The following RESF1 variants were observed in gnomAD, a reference collection of about 807,000 sequenced individuals.
The protein encoded by RESF1 is retroelement silencing factor 1.
A neutral mutation model predicts 134.7 loss-of-function variants in RESF1; 65 were observed. That is an observed-to-expected ratio of 0.48 (90% CI 0.40 to 0.59). RESF1 has a LOEUF of 0.59. Among genes scored for constraint, RESF1 ranks in the 20% least tolerant of loss-of-function variants. The pLI is 0.00. For synonymous variants in RESF1, 762 were observed against 702.2 expected (o/e 1.09, Z -1.35); for missense variants, 2,274 against 2,002.7 (o/e 1.14, Z -2.59).
chr12:31,970,778 A>C (rs761471022), intron 3 of RESF1, among the ~76,000 whole-genome samples: 1 of 152,232 alleles, frequency 6.6e-6, no homozygotes, highest in African/African-American at 2.4e-5. Flanking sequence ...ATTTTAGCCT[A>C]TATGTTGCAA....
At position 31,982,054 on chromosome 12, in the gene RESF1, A is replaced by C; in HGVS notation, c.1099A>C (p.Thr367Pro). 6.2e-7 allele frequency: 1 copy of C among 1,614,160 alleles called. No individual in the cohort carries two copies. The highest frequency in any genetic ancestry group is 8.5e-7 in the Non-Finnish European group (1 of 1,180,034). ...SVDGVQTLAQTNEEKIMDSCN... is the reference protein window; with the variant it reads ...SVDGVQTLAQPNEEKIMDSCN... Reference sequence around the variant, plus strand: ...GGATGGTGTTCAGACTCTTGCTCAAACTAATGAAGAGAAAATAATGGATTC... The same window carrying C: ...GGATGGTGTTCAGACTCTTGCTCAACCTAATGAAGAGAAAATAATGGATTC... The change falls in exon 4 of 6, where the codon ACT (threonine) becomes CCT (proline). Residue 367 changes from threonine to proline, a missense_variant. Coordinates refer to ENST00000312561, the MANE Select transcript of RESF1 (RefSeq NM_018169.4).
intron 2 of RESF1, among the ~76,000 whole-genome samples, chr12:31,964,508 C>G (rs1939354814): frequency 6.6e-6 from 1 of 152,204 alleles, no homozygotes; most frequent in Admixed American, 6.5e-5. Flanking sequence ...TGTATGTGTA[C>G]TGTTTTCTTT....
chr12:31,978,214 TA>T (rs1053339258), intron 3 of RESF1, among the ~76,000 whole-genome samples: 13 of 152,292 alleles, frequency 8.5e-5, no homozygotes, highest in African/African-American at 2.6e-4. Flanking sequence ...ATTTTCTAAG[TA>T]TTTTTTTAAT....
At chr12:31,980,445 C>G (rs1939754021) in intron 3 of RESF1, among the ~76,000 whole-genome samples, 1 of 152,160 alleles carries the variant, frequency 6.6e-6, no homozygotes, top group Non-Finnish European at 1.5e-5. Flanking sequence ...ATTAAGGTAA[C>G]CTTGAATAGC....
intron 2 of RESF1, among the ~76,000 whole-genome samples, chr12:31,961,148 C>T (rs898416758): frequency 5.3e-5 from 8 of 152,132 alleles, no homozygotes; most frequent in Non-Finnish European, 1.2e-4. Context: ...CAGAGGTCTG[C>T]TTCTGTCTGT....
chr12:31,964,266 G>GTT (rs34357090), intron 2 of RESF1, among the ~76,000 whole-genome samples: 35 of 150,582 alleles, frequency 2.3e-4, no homozygotes, highest in African/African-American at 5.1e-4. Context: ...CCAATTAGTT[G>GTT]TTTTTTTTTC....
chr12:31,989,933 GACAAATA>G (rs1222161059), intron 5 of RESF1, among the ~76,000 whole-genome samples: 1 of 152,074 alleles, frequency 6.6e-6, no homozygotes, highest in Non-Finnish European at 1.5e-5. Context: ...ATCAGAACAG[GACAAATA>G]ACCTAAAGAG....
intron 3 of RESF1, among the ~76,000 whole-genome samples, chr12:31,972,461 C>T (rs1939531343): frequency 6.6e-6 from 1 of 151,778 alleles, no homozygotes; most frequent in African/African-American, 2.4e-5. Flanking sequence ...AAAAAATTAG[C>T]CAGGCGTGGT....
chr12:31,960,189 C>G (rs902400920), intron 1 of RESF1, among the ~76,000 whole-genome samples: 2 of 152,156 alleles, frequency 1.3e-5, no homozygotes, highest in South Asian at 2.1e-4. Context: ...ATTCCCTAAG[C>G]AAACGTCCTT....
At position 31,984,692 on chromosome 12, in the gene RESF1, G is replaced by C; in HGVS notation, c.3737G>C (p.Ser1246Thr). ...CCAAAGACTCCTCCAGATGGGAAAA[G>C]TCATTTTCCTGAACTACAAGACGAC... Reference protein sequence around the residue: ...NNPKTPPDGKSHFPELQDDSR... With the variant: ...NNPKTPPDGKTHFPELQDDSR... Residue 1246 changes from serine (S) to threonine (T), a missense_variant, in exon 4 of 6, where the codon AGT becomes ACT. Coordinates refer to ENST00000312561, the MANE Select transcript of RESF1 (RefSeq NM_018169.4). 6.3e-7 allele frequency: 1 copy of C among 1,591,374 alleles called. No individual in the cohort carries two copies. Among genetic ancestry groups the C allele is most frequent in the African/African-American group, 1.4e-5 (1 of 73,268 alleles).
chr12:31,985,394 G>C lies in RESF1; in HGVS notation c.4439G>C (p.Arg1480Thr), dbSNP rs1425257758. ...KNVPCDSEHMRPSKLAVQVES... is the reference protein window; with the variant it reads ...KNVPCDSEHMTPSKLAVQVES... ...GTGCCATGTGATTCTGAACATATGA[G>C]ACCAAGTAAACTTGCCGTGCAGGTT... Residue 1480 changes from arginine (R) to threonine (T), a missense_variant, in exon 4 of 6, where the codon AGA becomes ACA. Coordinates refer to ENST00000312561, the MANE Select transcript of RESF1 (RefSeq NM_018169.4). The C allele has an allele frequency of 6.2e-7, 1 of 1,604,900 alleles. No homozygotes were observed. The highest frequency in any genetic ancestry group is 8.5e-7 in the Non-Finnish European group (1 of 1,177,684).
chr12:31,979,110 CG>C (rs1414703505), intron 3 of RESF1, among the ~76,000 whole-genome samples: 5 of 151,764 alleles, frequency 3.3e-5, no homozygotes, highest in East Asian at 1.9e-4. Flanking sequence ...TTAGTAGAGA[CG>C]GGGTTTCACT....
chr12:31,968,638 C>T (rs1349957986), intron 2 of RESF1, among the ~76,000 whole-genome samples: 16 of 151,922 alleles, frequency 1.1e-4, no homozygotes, highest in Non-Finnish European at 2.1e-4. Flanking sequence ...TTAGTAGAGA[C>T]GGGGTTTCAC....
intron 3 of RESF1, among the ~76,000 whole-genome samples, chr12:31,980,407 G>A (rs945949621): frequency 2.9e-4 from 44 of 152,042 alleles, no homozygotes; most frequent in African/African-American, 9.2e-4. Context: ...CACCGCACCC[G>A]GCCTTATGCC....
At chr12:31,975,144 C>T (rs982224036) in intron 3 of RESF1, among the ~76,000 whole-genome samples, 11 of 151,844 alleles carry the variant, frequency 7.2e-5, no homozygotes, top group Non-Finnish European at 7.4e-5. Flanking sequence ...CATGGTGGCG[C>T]GCGCCTGTAG....
chr12:31,966,302 T>C (rs1939396151), intron 2 of RESF1, among the ~76,000 whole-genome samples: 1 of 152,354 alleles, frequency 6.6e-6, no homozygotes, highest in Middle Eastern at 3.4e-3. Context: ...TTTCCTTGAG[T>C]TGGGTATCCA....
At position 31,984,618 on chromosome 12, in the gene RESF1, T is replaced by A. The variant is rs1179058655; in HGVS notation, c.3663T>A (p.Thr1221=). Residue 1221 remains threonine (T), a synonymous_variant, in exon 4 of 6, where the codon ACT becomes ACA. Coordinates refer to ENST00000312561, the MANE Select transcript of RESF1 (RefSeq NM_018169.4). ...DTNSCKQGER[T]SDRDVTVVQF... ...ACAGTTGTAAACAAGGAGAGAGAACTTCTGATAGAGATGTCACTGTTGTTC... is the reference window on the plus strand; with the variant it reads ...ACAGTTGTAAACAAGGAGAGAGAACATCTGATAGAGATGTCACTGTTGTTC... 1 of 1,575,724 alleles carries A rather than the reference T, an allele frequency of 6.3e-7. No individual in the cohort carries two copies.
Position 31,985,115 on chromosome 12 carries a change from T to C in RESF1, c.4160T>C (p.Val1387Ala). 1 of 1,548,412 alleles carries C rather than the reference T, an allele frequency of 6.5e-7. No homozygotes were observed. Among genetic ancestry groups the C allele is most frequent in the Non-Finnish European group, 8.7e-7 (1 of 1,155,904 alleles). ...LDQGNVLDME[V>A]KKKKHDKQEQ... is the part of the protein sequence containing the mutation. ...CAAGGGAACGTATTAGATATGGAAGTAAAGAAAAAGAAACATGATAAACAA... is the reference window on the plus strand; with the variant it reads ...CAAGGGAACGTATTAGATATGGAAGCAAAGAAAAAGAAACATGATAAACAA... The change falls in exon 4 of 6, where the codon GTA becomes GCA. Residue 1387 changes from valine to alanine, a missense_variant. Physicochemically the swap from Val to Ala is moderately conservative, Grantham distance 64. Coordinates refer to ENST00000312561, the MANE Select transcript of RESF1 (RefSeq NM_018169.4).
intron 3 of RESF1, among the ~76,000 whole-genome samples, chr12:31,971,250 C>G (rs1204141728): frequency 2.6e-5 from 4 of 152,228 alleles, no homozygotes; most frequent in African/African-American, 4.8e-5. Context: ...TCAAGTGATT[C>G]TCCTGCCTCA....
Sources: allele counts gnomAD v4.1 joint callset (sites outside exome capture counted in the v4.1 genomes callset), GRCh38; gene constraint gnomAD v4.1.1; transcripts MANE v1.5; gene names NCBI Gene and HGNC (gene_info 2026-07-23, HGNC 2026-07-21).